The following RAB27B variants were observed in gnomAD, a reference collection of about 807,000 sequenced individuals.
RAB27B encodes the protein ras-related protein Rab-27B.
RAB27B carries 15 observed loss-of-function variants against 24.6 expected under a neutral mutation model. That is an observed-to-expected ratio of 0.61 (90% CI 0.41 to 0.94). The LOEUF (loss-of-function observed/expected upper bound fraction) is 0.94, where lower values mean the gene tolerates loss of function less well. RAB27B is among the 40% of genes least tolerant of loss of function. RAB27B has a pLI of 0.00. For missense variants in RAB27B, 261 were observed against 266.8 expected (o/e 0.98, Z 0.15); for synonymous variants, 105 against 92.5 (o/e 1.14, Z -0.78).
At chr18:54,775,854 C>A (rs1010698461) in intron 2 of RAB27B, among the ~76,000 whole-genome samples, 1 of 152,172 alleles carries the variant, frequency 6.6e-6, no homozygotes, top group Non-Finnish European at 1.5e-5. Flanking sequence ...TGGTCAGCCT[C>A]GGCACAGTCA....
chr18:54,778,156 A>G (rs1908775764), intron 2 of RAB27B, among the ~76,000 whole-genome samples: 1 of 152,228 alleles, frequency 6.6e-6, no homozygotes, highest in Admixed American at 6.5e-5. Flanking sequence ...GACACACCTC[A>G]TAAATAATAT....
At chr18:54,838,997 T>G (rs1911002594) in intron 1 of RAB27B, among the ~76,000 whole-genome samples, 1 of 152,078 alleles carries the variant, frequency 6.6e-6, no homozygotes, top group Admixed American at 6.6e-5. Context: ...TATATGGACT[T>G]ATATGAGACA....
At chr18:54,804,912 T>TCTC (rs1909734733) in intron 2 of RAB27B, among the ~76,000 whole-genome samples, 1 of 20,284 alleles carries the variant, frequency 4.9e-5, no homozygotes, top group African/African-American at 8.2e-5. Context: ...CTCTCTTTCT[T>TCTC]TCTTTCTTTC....
At chr18:54,756,141 A>C (rs532261051) in intron 2 of RAB27B, among the ~76,000 whole-genome samples, 13 of 152,336 alleles carry the variant, frequency 8.5e-5, no homozygotes, top group Middle Eastern at 3.4e-3. Context: ...TGAGGTGATA[A>C]TTGATTTTTC....
intron 2 of RAB27B, among the ~76,000 whole-genome samples, chr18:54,752,591 A>G (rs58583571): frequency 6.6e-6 from 1 of 152,216 alleles, no homozygotes; most frequent in African/African-American, 2.4e-5. Context: ...GAAAGCAGCA[A>G]GAAAGGTTTT....
intron 2 of RAB27B, among the ~76,000 whole-genome samples, chr18:54,806,312 G>A (rs540284044): frequency 4.6e-5 from 7 of 151,528 alleles, no homozygotes; most frequent in Admixed American, 3.3e-4. Flanking sequence ...AGCCTGGTGT[G>A]TGGTATGACA....
intron 1 of RAB27B, among the ~76,000 whole-genome samples, chr18:54,834,977 A>G (rs1384441112): frequency 1.3e-5 from 2 of 151,904 alleles, no homozygotes; most frequent in African/African-American, 4.9e-5. Flanking sequence ...AATTAGTAAA[A>G]GCAAAATCAG....
In RAB27B at chr18:54,893,222, C is replaced by G. The variant is rs764846675; in HGVS notation, c.*3809C>G. 2.0e-5 allele frequency: 3 copies of G among 151,926 alleles called. No individual in the cohort carries two copies. Among genetic ancestry groups the G allele is most frequent in the Admixed American group, 2.0e-4 (3 of 15,234 alleles). The allele number at this position is 151,926 out of a possible 1,614,324, so 9.4% of individuals were successfully genotyped here. A position where few individuals can be genotyped will look rare whatever the true frequency, so the allele number is the denominator to read the frequency against. On this transcript the variant is annotated 3_prime_UTR_variant, in exon 6 of 6. Transcript: ENST00000262094. ...TTTCCTCATTGCATATTACACCAAACGTTTGAGGGAAAAATCCTCATTCGT... is the reference window on the plus strand; with the variant it reads ...TTTCCTCATTGCATATTACACCAAAGGTTTGAGGGAAAAATCCTCATTCGT...
At chr18:54,866,835 G>A (rs1912248494) in intron 1 of RAB27B, among the ~76,000 whole-genome samples, 3 of 152,232 alleles carry the variant, frequency 2.0e-5, no homozygotes, top group Middle Eastern at 3.4e-3. Flanking sequence ...GCAGCTCCTC[G>A]TATTTTAAAT....
chr18:54,848,256 G>A (rs150226491), intron 1 of RAB27B, among the ~76,000 whole-genome samples: 1,785 of 152,240 alleles, frequency 0.012, 21 homozygotes, highest in Non-Finnish European at 0.019. Context: ...CAGACCTTTA[G>A]GAATACACAT....
chr18:54,765,682 T>C (rs1908338466), intron 2 of RAB27B, among the ~76,000 whole-genome samples: 1 of 152,210 alleles, frequency 6.6e-6, no homozygotes, highest in South Asian at 2.1e-4. Context: ...TCAAGAAATC[T>C]AGAGTCATTT....
chr18:54,725,118 A>C (rs935771459), intron 2 of RAB27B, among the ~76,000 whole-genome samples: 2 of 151,574 alleles, frequency 1.3e-5, no homozygotes, highest in Middle Eastern at 3.4e-3. Context: ...TGGTTTGAGG[A>C]ATCAGATAGA....
rs1174709344 is a variant in RAB27B, at chr18:54,889,316, A to AGT, written c.566_567dup (p.Glu190TrpfsTer58). On this transcript the variant is annotated frameshift_variant, in exon 6 of 6. Coordinates refer to ENST00000262094, the MANE Select transcript of RAB27B (RefSeq NM_004163.4). LOFTEE classifies it high-confidence loss of function. ...GACTTAATCATGAAGCGAATGGAAC[A>AGT]GTGTGTGGAGAAGACACAAATCCCT... The AGT allele has an allele frequency of 6.2e-7, 1 of 1,613,538 alleles. No homozygotes were observed. Among genetic ancestry groups the AGT allele is most frequent in the East Asian group, 2.2e-5 (1 of 44,856 alleles).
At chr18:54,786,616 TTTAAA>T (rs570635750) in intron 2 of RAB27B, among the ~76,000 whole-genome samples, 30 of 152,270 alleles carry the variant, frequency 2.0e-4, no homozygotes, top group Non-Finnish European at 4.0e-4. Flanking sequence ...AAGAATAGTC[TTTAAA>T]TTATTCTATA....
chr18:54,846,628 C>A (rs1457740277), intron 1 of RAB27B, among the ~76,000 whole-genome samples: 1 of 152,174 alleles, frequency 6.6e-6, no homozygotes, highest in Non-Finnish European at 1.5e-5. Flanking sequence ...AAAAAACTGA[C>A]CTCTGAGCTT....
chr18:54,819,548 GAA>G (rs770260592), intron 2 of RAB27B, among the ~76,000 whole-genome samples: 2 of 120,084 alleles, frequency 1.7e-5, no homozygotes, highest in South Asian at 2.7e-4. Context: ...AAAAAAAAAA[GAA>G]AAAAAAAAGA....
chr18:54,842,602 C>T (rs58243949), intron 1 of RAB27B, among the ~76,000 whole-genome samples: 28,670 of 151,962 alleles, frequency 0.19, 3,395 homozygotes, highest in East Asian at 0.4. Flanking sequence ...TTTTCCTATG[C>T]GTCAAAGCAA....
In RAB27B at chr18:54,837,776, T is replaced by TTA. The variant is rs1178617250; in HGVS notation, c.-20+9084_-20+9085dup. On this transcript the variant is annotated intron_variant, in intron 1 of 5. Transcript: ENST00000262094. ...GGAAAATTTAAGGTTATATATCTAA[T>TTA]TATATATATGTGTGTATATATATGT... Among the ~76,000 whole-genome samples, 14 of 152,236 alleles carry TTA rather than the reference T, an allele frequency of 9.2e-5. No homozygotes were observed. The East Asian group carries it at 1.5e-3, about 17-fold the overall frequency.
chr18:54,887,920 A>G lies in RAB27B; in HGVS notation c.344-75A>G, dbSNP rs538085997. On this transcript the variant is annotated intron_variant, in intron 4 of 5. Coordinates refer to ENST00000262094, the MANE Select transcript of RAB27B (RefSeq NM_004163.4). ...CTGGAGATAAGCAATTAGATCAGGA[A>G]TCTGGAATAAGAGCAGTCATTTGAC... is the stretch of plus-strand genomic sequence containing the variant. 7 of 1,522,072 alleles carry G rather than the reference A, an allele frequency of 4.6e-6. No individual in the cohort carries two copies. The African/African-American group carries it at 8.2e-5, about 18-fold the overall frequency. The allele number at this position is 1,522,072 out of a possible 1,614,324, so 94.3% of individuals were successfully genotyped here.
Sources: gnomAD v4.1 joint callset for allele counts (sites outside exome capture counted in the v4.1 genomes callset) on GRCh38, gnomAD v4.1.1 for gene constraint, MANE v1.5 for transcripts, NCBI Gene and HGNC (gene_info 2026-07-23, HGNC 2026-07-21) for gene names.